XKR9: variants seen among roughly 807,000 people sequenced by gnomAD.
The protein encoded by XKR9 is XK-related protein 9.
Under a neutral mutation model 32.0 loss-of-function variants are expected in XKR9, and 32 were observed. The ratio of observed to expected loss-of-function variants is 1.00; its 90% CI spans 0.76 to 1.34. The LOEUF is 1.34. XKR9 is among the 40% of genes most tolerant of loss of function. The pLI is 0.00. For synonymous variants in XKR9, 168 were observed against 143.4 expected (o/e 1.17, Z -1.22); for missense variants, 546 against 429.7 (o/e 1.27, Z -2.39).
chr8:71,042,796 G>T, the XKR9 span, among the ~76,000 whole-genome samples: 2 of 152,124 alleles, frequency 1.3e-5, no homozygotes, highest in Non-Finnish European at 2.9e-5. Flanking sequence ...TAAATCCAAG[G>T]TCCTTCGTTA....
the XKR9 span, among the ~76,000 whole-genome samples, chr8:70,977,267 C>G: frequency 1.3e-5 from 2 of 152,062 alleles, no homozygotes; most frequent in South Asian, 4.1e-4. Flanking sequence ...TTAGTTATTT[C>G]TTGCCTTCTG....
At chr8:70,813,052 G>T in the XKR9 span, among the ~76,000 whole-genome samples, 1 of 152,146 alleles carries the variant, frequency 6.6e-6, no homozygotes, top group East Asian at 1.9e-4. Context: ...ATACTACAAG[G>T]CTACAGTAAC....
chr8:70,753,030 A>G (rs1182962524), intron 2 of XKR9, among the ~76,000 whole-genome samples: 11 of 151,990 alleles, frequency 7.2e-5, no homozygotes, highest in African/African-American at 2.4e-4. Flanking sequence ...CAAGACTAAT[A>G]AAGAAGAAGA....
At chr8:70,678,072 T>A (rs1818940360) in intron 2 of XKR9, 1 of 152,296 alleles carries the variant, frequency 6.6e-6, no homozygotes, top group South Asian at 2.1e-4. Flanking sequence ...TAGCTGTTCC[T>A]TCAAGCTGGA....
At chr8:70,920,633 A>G in the XKR9 span, among the ~76,000 whole-genome samples, 1 of 152,074 alleles carries the variant, frequency 6.6e-6, no homozygotes, top group East Asian at 1.9e-4. Flanking sequence ...AAGACCATAC[A>G]TGGCCATATC....
At chr8:70,673,972 T>C (rs1818802317) in intron 1 of XKR9, among the ~76,000 whole-genome samples, 1 of 152,180 alleles carries the variant, frequency 6.6e-6, no homozygotes, top group South Asian at 2.1e-4. Context: ...TAATCTTTGC[T>C]TTCTAGAGGG....
At chr8:70,815,509 T>TTTTTTTTATTTA in the XKR9 span, among the ~76,000 whole-genome samples, 9 of 141,762 alleles carry the variant, frequency 6.3e-5, no homozygotes, top group Non-Finnish European at 1.5e-5. Flanking sequence ...CATTCCTTTA[T>TTTTTTTTATTTA]TTTATTTATT....
At chr8:70,922,133 A>G in the XKR9 span, among the ~76,000 whole-genome samples, 1 of 152,164 alleles carries the variant, frequency 6.6e-6, no homozygotes, top group African/African-American at 2.4e-5. Context: ...TACCCTCTGT[A>G]TACCTCTGAG....
At chr8:70,817,722 C>T in the XKR9 span, among the ~76,000 whole-genome samples, 78 of 152,140 alleles carry the variant, frequency 5.1e-4, no homozygotes, top group African/African-American at 1.1e-3. Context: ...AGATTTCAAA[C>T]GATACTACAA....
chr8:70,747,430 G>C (rs1337701804), intron 2 of XKR9, among the ~76,000 whole-genome samples: 1 of 152,152 alleles, frequency 6.6e-6, no homozygotes, highest in East Asian at 1.9e-4. Context: ...ACATTAATGG[G>C]TTATAATGGG....
chr8:70,817,715 T>G, the XKR9 span, among the ~76,000 whole-genome samples: 2 of 152,050 alleles, frequency 1.3e-5, no homozygotes, highest in Non-Finnish European at 2.9e-5. Context: ...CATTACCAGA[T>G]TTCAAACGAT....
At chr8:70,930,461 A>G in the XKR9 span, among the ~76,000 whole-genome samples, 3 of 152,190 alleles carry the variant, frequency 2.0e-5, no homozygotes, top group Admixed American at 6.5e-5. Flanking sequence ...GCCTTAGCAT[A>G]TTTTTAAAGC....
At chr8:70,733,223 C>G (rs1474924164) in intron 4 of XKR9, among the ~76,000 whole-genome samples, 1 of 152,164 alleles carries the variant, frequency 6.6e-6, no homozygotes, top group Non-Finnish European at 1.5e-5. Context: ...AGAACATACT[C>G]ATTCACTTGT....
chr8:70,756,119 A>C (rs548512753), intron 2 of XKR9, among the ~76,000 whole-genome samples: 9 of 152,254 alleles, frequency 5.9e-5, no homozygotes, highest in African/African-American at 2.2e-4. Flanking sequence ...CATTTGTTGA[A>C]AAGATATTCT....
chr8:70,761,314 T>A (rs995677817), intron 2 of XKR9, among the ~76,000 whole-genome samples: 2 of 152,226 alleles, frequency 1.3e-5, no homozygotes, highest in Non-Finnish European at 2.9e-5. Flanking sequence ...GTTGAACTAA[T>A]TTACACTCCC....
chr8:70,929,187 T>A, the XKR9 span, among the ~76,000 whole-genome samples: 1 of 152,200 alleles, frequency 6.6e-6, no homozygotes, highest in African/African-American at 2.4e-5. Flanking sequence ...ATAGAACTTG[T>A]CATGGTGATG....
chr8:70,825,112 T>C, the XKR9 span, among the ~76,000 whole-genome samples: 1 of 152,202 alleles, frequency 6.6e-6, no homozygotes, highest in South Asian at 2.1e-4. Flanking sequence ...GGAGTTCTGA[T>C]CTTTGACTGA....
At chr8:70,745,068 CT>C (rs1807039279) in intron 2 of XKR9, among the ~76,000 whole-genome samples, 1 of 149,956 alleles carries the variant, frequency 6.7e-6, no homozygotes, top group Non-Finnish European at 1.5e-5. Flanking sequence ...TATTATACAT[CT>C]ACTAAGGAGC....
At chr8:70,798,615 G>A in the XKR9 span, among the ~76,000 whole-genome samples, 1 of 152,088 alleles carries the variant, frequency 6.6e-6, no homozygotes, top group African/African-American at 2.4e-5. Context: ...TTTTGTCATG[G>A]AATCTTTGCC....
Sources: gnomAD v4.1 joint callset for allele counts (sites outside exome capture counted in the v4.1 genomes callset) on GRCh38, gnomAD v4.1.1 for gene constraint, MANE v1.5 for transcripts, NCBI Gene and HGNC (gene_info 2026-07-23, HGNC 2026-07-21) for gene names.